Variants in HAUS6 observed in about 807,000 individuals in gnomAD.
The protein encoded by HAUS6 is HAUS augmin like complex subunit 6.
HAUS6 carries 80 observed loss-of-function variants against 106.8 expected under a neutral mutation model. The observed-to-expected ratio is 0.75, with a 90% CI of 0.63 to 0.90. The LOEUF is 0.90. Among genes scored for constraint, HAUS6 ranks in the 40% least tolerant of loss-of-function variants. The probability of loss-of-function intolerance (pLI) is 0.00; values close to 1 mark genes in which losing one functional copy is unlikely to be tolerated. For missense variants in HAUS6, 1,155 were observed against 1,118.1 expected, an observed-to-expected ratio of 1.03 and a Z score of -0.47; for synonymous variants, 356 against 379.1, an observed-to-expected ratio of 0.94 and a Z score of 0.71.
In HAUS6 at chr9:19,082,923, T is replaced by C. The variant is rs781352066; in HGVS notation, c.820A>G (p.Ile274Val). The C allele has an allele frequency of 3.9e-6, 6 of 1,531,358 alleles. No homozygotes were observed. In the East Asian group the frequency reaches 7.1e-5, roughly 18 times the overall value. The allele number at this position is 1,531,358 out of a possible 1,614,324, so 94.9% of individuals were successfully genotyped here. A position where few individuals can be genotyped will look rare whatever the true frequency, so the allele number is the denominator to read the frequency against. ...QYALDGTNVA[I>V]NIPRLLLDKI... The stretch of plus-strand genomic sequence containing the variant: ...TCAAGTAAGAGCCTTGGAATATTAA[T>C]AGCAACATTAGTTCCATCTAAAGCA... Residue 274 changes from isoleucine (I) to valine (V), a missense_variant, in exon 8 of 17, where the codon ATT becomes GTT. Ile to Val is a conservative substitution (Grantham distance 29). Coordinates refer to ENST00000380502, the MANE Select transcript of HAUS6 (RefSeq NM_017645.5).
chr9:19,078,640 T>C (rs1291516510), intron 9 of HAUS6, among the ~76,000 whole-genome samples: 2 of 148,634 alleles, frequency 1.3e-5, no homozygotes, highest in Non-Finnish European at 3.0e-5. Flanking sequence ...ATACAAAAAT[T>C]AGCCGGGCGT....
At chr9:19,060,301 A>G (rs749261562) in intron 14 of HAUS6, 78 bp from the exon 15 acceptor site, 7 of 1,163,688 alleles carry the variant, frequency 6.0e-6, no homozygotes, top group Non-Finnish European at 8.3e-6. Flanking sequence ...GATAAGGATA[A>G]TAAGCACTTC....
rs1836456730 is a variant in HAUS6, at chr9:19,055,846, C to T, written c.*497G>A. On this transcript the variant is annotated 3_prime_UTR_variant, in exon 17 of 17. Coordinates refer to ENST00000380502, the MANE Select transcript of HAUS6 (RefSeq NM_017645.5). ...AAAATTTGTCATCTTGACTACACAT[C>T]CCAAGGTACTACTTTTCTCACTTTT... 1 of 152,536 alleles carries T rather than the reference C, an allele frequency of 6.6e-6. No homozygotes were observed. Among genetic ancestry groups the T allele is most frequent in the African/African-American group, 2.4e-5 (1 of 41,454 alleles). 9.4% of individuals were successfully genotyped at this position (152,536 alleles called of 1,614,324 possible).
rs1485341363 is a variant in HAUS6, at chr9:19,056,396, T to C, written c.2815A>G (p.Ile939Val). The C allele has an allele frequency of 1.9e-6, 3 of 1,544,490 alleles. No homozygotes were observed. In the East Asian group the frequency reaches 6.7e-5, roughly 35 times the overall value. Residue 939 changes from isoleucine (I) to valine (V), a missense_variant, in exon 17 of 17, where the codon ATT becomes GTT. Ile to Val is a conservative substitution (Grantham distance 29, BLOSUM62 3). This residue lies in a region of HAUS6 where 380 missense variants were observed against 394.8 expected (regional missense o/e 0.96). Coordinates refer to ENST00000380502, the MANE Select transcript of HAUS6 (RefSeq NM_017645.5). The stretch of plus-strand genomic sequence containing the variant: ...TTTGCATCAAGGCTCTTATTCAAAA[T>C]GTCTTCTTCTGCAAATTGATTTTAA... ...GELPNLKEED[I>V]LNKSLDAKEP...
chr9:19,100,001 T>C lies in HAUS6; in HGVS notation c.128+2523A>G, dbSNP rs143414669. Among the ~76,000 whole-genome samples, 620 of 152,320 alleles carry C rather than the reference T, an allele frequency of 4.1e-3. 2 individuals carry two copies. Among genetic ancestry groups the C allele is most frequent in the African/African-American group, 0.014 (595 of 41,574 alleles). On this transcript the variant is annotated intron_variant, in intron 1 of 16. Coordinates refer to ENST00000380502, the MANE Select transcript of HAUS6 (RefSeq NM_017645.5). ...AAGGTCAGGAATTTAAGATTCCGCC[T>C]GGCTAAGATGGAGAAACCCGGTCTC...
chr9:19,092,916 C>CAAA (rs71494998), intron 4 of HAUS6, among the ~76,000 whole-genome samples: 5 of 76,222 alleles, frequency 6.6e-5, no homozygotes, highest in South Asian at 4.4e-4. Flanking sequence ...AACTGTGTCT[C>CAAA]AAAAAAAAAA....
rs1817700387 is a variant in HAUS6, at chr9:19,089,497, C to A, written c.499G>T (p.Ala167Ser). 1 of 1,608,318 alleles carries A rather than the reference C, an allele frequency of 6.2e-7. No individual in the cohort carries two copies. Among genetic ancestry groups the A allele is most frequent in the African/African-American group, 1.3e-5 (1 of 74,798 alleles). The change falls in exon 5 of 17, where the codon GCC (alanine) becomes TCC (serine). Residue 167 changes from alanine to serine, a missense_variant. This residue lies in a region of HAUS6 where 761 missense variants were observed against 690.0 expected (regional missense o/e 1.10). Transcript: ENST00000380502. ...IKPQDLHKCI[A>S]RCHFARSRFL... ...CTGCTACGTGCGAAATGGCATCTGG[C>A]AATGCATTTGTGCAAGTCCTGTGGT...
At chr9:19,075,916 G>A (rs758725162) in intron 11 of HAUS6, among the ~76,000 whole-genome samples, 9 of 150,210 alleles carry the variant, frequency 6.0e-5, no homozygotes, top group Non-Finnish European at 8.9e-5. Flanking sequence ...CTGAGATTGC[G>A]CCACTGCACT....
intron 12 of HAUS6, among the ~76,000 whole-genome samples, chr9:19,065,822 C>T (rs1256834626): frequency 6.6e-6 from 1 of 152,062 alleles, no homozygotes; most frequent in Non-Finnish European, 1.5e-5. Context: ...GCCTGGGCAA[C>T]AGGAACGAAA....
chr9:19,085,908 G>C (rs188334553), intron 7 of HAUS6, among the ~76,000 whole-genome samples: 1 of 151,592 alleles, frequency 6.6e-6, no homozygotes, highest in African/African-American at 2.4e-5. Context: ...TTAAGCTTAT[G>C]AACTATAAGT....
intron 11 of HAUS6, among the ~76,000 whole-genome samples, chr9:19,070,716 A>C (rs570157171): frequency 6.6e-6 from 1 of 152,358 alleles, no homozygotes; most frequent in South Asian, 2.1e-4. Flanking sequence ...GAATAACTAC[A>C]TGCTACTACC....
Position 19,058,601 on chromosome 9 carries a change from T to G in HAUS6, c.2166A>C (p.Ile722=). Reference sequence around the variant, plus strand: ...CCTCTTCACTGCCACCCATCACATCTATCCTATTGCCGACAGCAGGGGAGA... The same window carrying G: ...CCTCTTCACTGCCACCCATCACATCGATCCTATTGCCGACAGCAGGGGAGA... ...ETFSPAVGNR[I]DVMGGSEEEF... Residue 722 remains isoleucine, a synonymous_variant, in exon 16 of 17, where the codon ATA becomes ATC. Coordinates refer to ENST00000380502, the MANE Select transcript of HAUS6 (RefSeq NM_017645.5). The G allele has an allele frequency of 6.2e-7, 1 of 1,605,070 alleles. No homozygotes were observed. Among genetic ancestry groups the G allele is most frequent in the Non-Finnish European group, 8.5e-7 (1 of 1,172,840 alleles).
At chr9:19,088,699 C>T (rs1418695157) in intron 5 of HAUS6, among the ~76,000 whole-genome samples, 1 of 148,216 alleles carries the variant, frequency 6.7e-6, no homozygotes, top group East Asian at 2.0e-4. Context: ...AAAACCCGGT[C>T]GCTACTATAA....
At position 19,089,464 on chromosome 9, in the gene HAUS6, G is replaced by A. The variant is rs1049517861; in HGVS notation, c.532C>T (p.Gln178Ter). The A allele has an allele frequency of 6.2e-7, 1 of 1,612,104 alleles. No individual in the cohort carries two copies. Among genetic ancestry groups the A allele is most frequent in the Non-Finnish European group, 8.5e-7 (1 of 1,178,268 alleles). The change falls in exon 5 of 17, where the codon CAA becomes TAA. Residue 178 changes from glutamine to a stop codon, truncating the protein, a stop_gained. Coordinates refer to ENST00000380502, the MANE Select transcript of HAUS6 (RefSeq NM_017645.5). LOFTEE classifies it high-confidence loss of function. ...ACACAATCTTGTCTTTGCAAAATTT[G>A]TAAAAATCTGCTACGTGCGAAATGG... ...RCHFARSRFL[Q>*]ILQRQDCVTQ... is the part of the protein sequence containing the mutation.
chr9:19,078,595 C>T (rs184944543), intron 9 of HAUS6, among the ~76,000 whole-genome samples: 22 of 152,014 alleles, frequency 1.4e-4, no homozygotes, highest in Admixed American at 1.4e-3. Context: ...CAAGACCAGC[C>T]TGGCCAATGT....
chr9:19,074,696 C>T (rs1200334091), intron 11 of HAUS6, among the ~76,000 whole-genome samples: 1 of 152,148 alleles, frequency 6.6e-6, no homozygotes, highest in Non-Finnish European at 1.5e-5. Flanking sequence ...AATTACCTAT[C>T]CCAGTGATTA....
In HAUS6 at chr9:19,089,516, C is replaced by T. The variant is rs1564018998; in HGVS notation, c.480G>A (p.Gln160=). Residue 160 remains glutamine (Q), a synonymous_variant, in exon 5 of 17, where the codon CAG becomes CAA. Transcript: ENST00000380502. ...HFVETFNIKP[Q]DLHKCIARCH... is the part of the protein sequence containing the mutation. The stretch of plus-strand genomic sequence containing the variant: ...ATCTGGCAATGCATTTGTGCAAGTC[C>T]TGTGGTTTTATGTTAAATGTCTCTA... The T allele has an allele frequency of 6.2e-7, 1 of 1,610,802 alleles. No individual in the cohort carries two copies. Among genetic ancestry groups the T allele is most frequent in the East Asian group, 2.2e-5 (1 of 44,828 alleles).
intron 7 of HAUS6, among the ~76,000 whole-genome samples, chr9:19,084,303 A>C (rs1157878298): frequency 6.6e-6 from 1 of 152,216 alleles, no homozygotes; most frequent in Non-Finnish European, 1.5e-5. Flanking sequence ...ATGAAGTTCA[A>C]AAACAGGCAA....
chr9:19,088,942 G>T (rs1003131471), intron 5 of HAUS6, among the ~76,000 whole-genome samples: 2 of 150,866 alleles, frequency 1.3e-5, no homozygotes, highest in Admixed American at 6.6e-5. Flanking sequence ...AATATTTTAG[G>T]CAGAAGTTAT....
Sources: gnomAD v4.1 joint callset for allele counts (sites outside exome capture counted in the v4.1 genomes callset) on GRCh38, gnomAD v4.1.1 for gene constraint, gnomAD v4.1.1 regional missense constraint, MANE v1.5 for transcripts, NCBI Gene and HGNC (gene_info 2026-07-23, HGNC 2026-07-21) for gene names.